DGKH: variants seen among roughly 807,000 people sequenced by gnomAD.
DGKH encodes diacylglycerol kinase eta.
Under a neutral mutation model 159.3 loss-of-function variants are expected in DGKH, and 90 were observed. The observed-to-expected ratio is 0.57, with a 90% CI of 0.48 to 0.67. The LOEUF is 0.67. DGKH is among the 30% of genes least tolerant of loss of function. The pLI is 0.00. For missense variants in DGKH, 1,181 were observed against 1,506.1 expected, an observed-to-expected ratio of 0.78 and a Z score of 3.57; for synonymous variants, 536 against 553.8, an observed-to-expected ratio of 0.97 and a Z score of 0.45.
chr13:42,202,651 C>T (rs1957375075), intron 20 of DGKH, among the ~76,000 whole-genome samples: 1 of 152,124 alleles, frequency 6.6e-6, no homozygotes, highest in African/African-American at 2.4e-5. Context: ...TTTCCCAAGC[C>T]ACATTATCAG....
intron 1 of DGKH, among the ~76,000 whole-genome samples, chr13:42,117,877 A>G (rs1019494599): frequency 1.3e-5 from 2 of 152,088 alleles, no homozygotes; most frequent in African/African-American, 4.8e-5. Context: ...CCATTTTCAT[A>G]CACGTGAAAA....
chr13:42,256,563 G>T (rs796285097), exon 31 of DGKH: 1 of 692,016 alleles, frequency 1.4e-6, no homozygotes, highest in African/African-American at 1.8e-5. Flanking sequence ...GAAAATAAAC[G>T]TGTATATAAT....
At position 42,069,750 on chromosome 13, in the gene DGKH, C is replaced by T. The variant is rs147361210; in HGVS notation, c.192+20785C>T. The T allele has an allele frequency of 9.0e-4, 1,013 of 1,121,774 alleles. 8 individuals carry two copies. In the African/African-American group the frequency reaches 0.014, roughly 15 times the overall value. 69.5% of individuals were successfully genotyped at this position (1,121,774 alleles called of 1,614,324 possible). A position where few individuals can be genotyped will look rare whatever the true frequency, so the allele number is the denominator to read the frequency against. On this transcript the variant is annotated intron_variant, in intron 1 of 29. Coordinates refer to ENST00000337343, the MANE Select transcript of DGKH (RefSeq NM_178009.5). ...AGTTATCTAAATATGATCATGACCT[C>T]GTTTTGTAATTACAAGTATGGCTAC...
chr13:42,120,878 AG>A (rs1284805079), intron 1 of DGKH, among the ~76,000 whole-genome samples: 1 of 152,178 alleles, frequency 6.6e-6, no homozygotes, highest in African/African-American at 2.4e-5. Flanking sequence ...AACTTTCAAC[AG>A]ATTCTGAAAA....
intron 1 of DGKH, among the ~76,000 whole-genome samples, chr13:42,113,517 A>T (rs561050751): frequency 6.6e-6 from 1 of 152,206 alleles, no homozygotes; most frequent in Non-Finnish European, 1.5e-5. Context: ...TTTACTTTTA[A>T]GAAAGTAGGA....
intron 1 of DGKH, among the ~76,000 whole-genome samples, chr13:42,043,293 G>A (rs1326791166): frequency 1.9e-4 from 29 of 152,090 alleles, no homozygotes; most frequent in Admixed American, 1.9e-3. Context: ...AAGACCTCAG[G>A]TTAGGAATAC....
chr13:42,145,160 T>G (rs1318434182), intron 3 of DGKH, among the ~76,000 whole-genome samples: 1 of 152,218 alleles, frequency 6.6e-6, no homozygotes, highest in Non-Finnish European at 1.5e-5. Context: ...GTTTCTGCCT[T>G]ACACATTTTT....
intron 22 of DGKH, 23 bp from the exon 23 acceptor site, chr13:42,209,308 T>G (rs1320897906): frequency 6.3e-7 from 1 of 1,596,930 alleles, no homozygotes. Context: ...ATTTGTACTC[T>G]AAAATGATTT....
At chr13:42,040,498 G>T (rs1258476012) in intron 1 of DGKH, among the ~76,000 whole-genome samples, 3 of 151,990 alleles carry the variant, frequency 2.0e-5, no homozygotes, top group African/African-American at 4.8e-5. Context: ...CGGGAGGAGG[G>T]GCGGCGGGGG....
intron 3 of DGKH, among the ~76,000 whole-genome samples, chr13:42,154,673 A>T (rs928617258): frequency 1.3e-5 from 2 of 152,176 alleles, no homozygotes; most frequent in Non-Finnish European, 2.9e-5. Context: ...ATAAATCATT[A>T]AAATAGACAG....
At chr13:42,103,542 T>C (rs1232996424) in intron 1 of DGKH, among the ~76,000 whole-genome samples, 1 of 152,176 alleles carries the variant, frequency 6.6e-6, no homozygotes, top group Non-Finnish European at 1.5e-5. Context: ...CTTAGCAAAG[T>C]GCCTGAATCA....
intron 1 of DGKH, among the ~76,000 whole-genome samples, chr13:42,061,671 A>G (rs1882180266): frequency 6.6e-6 from 1 of 152,196 alleles, no homozygotes; most frequent in Non-Finnish European, 1.5e-5. Context: ...TGTAAAAGAG[A>G]AATATGATAC....
At chr13:42,167,518 G>A (rs1323918399) in intron 9 of DGKH, among the ~76,000 whole-genome samples, 3 of 152,070 alleles carry the variant, frequency 2.0e-5, no homozygotes, top group African/African-American at 7.2e-5. Context: ...TTTGCCCCCT[G>A]AGTCTTCCTT....
At chr13:42,169,227 G>A (rs537174660) in intron 11 of DGKH, among the ~76,000 whole-genome samples, 10 of 152,236 alleles carry the variant, frequency 6.6e-5, no homozygotes, top group South Asian at 2.1e-4. Flanking sequence ...ACATATAAAC[G>A]TTAGATTTGT....
In DGKH at chr13:42,155,662, TC is replaced by T. The variant is rs778479763; in HGVS notation, c.490-4del. The T allele has an allele frequency of 1.7e-4, 271 of 1,614,100 alleles. No individual in the cohort carries two copies. Among genetic ancestry groups the T allele is most frequent in the Admixed American group, 8.2e-4 (49 of 60,012 alleles). On this transcript the variant is annotated splice_polypyrimidine_tract_variant and splice_region_variant and intron_variant, in intron 4 of 29. Transcript: ENST00000337343. ...GGCAAATCTGTCCTCACATCTCATT[TC>T]TAGGTGGCCCAGTTTAATGTGGAAC...
chr13:42,102,625 G>C (rs1954672849), intron 1 of DGKH, among the ~76,000 whole-genome samples: 1 of 152,242 alleles, frequency 6.6e-6, no homozygotes, highest in Non-Finnish European at 1.5e-5. Context: ...GGAAGGAGCT[G>C]ACTGATTCAG....
At chr13:42,136,553 G>T (rs1332068099) in intron 3 of DGKH, among the ~76,000 whole-genome samples, 7 of 152,186 alleles carry the variant, frequency 4.6e-5, no homozygotes, top group Admixed American at 4.6e-4. Flanking sequence ...CAATTTTAAA[G>T]AAATTTTTGT....
chr13:42,048,681 G>C lies in DGKH; in HGVS notation c.-93G>C, dbSNP rs1019269283. 27 of 1,213,666 alleles carry C rather than the reference G, an allele frequency of 2.2e-5. No homozygotes were observed. The highest frequency in any genetic ancestry group is 3.1e-5 in the African/African-American group (2 of 63,496). 75.2% of individuals were successfully genotyped at this position (1,213,666 alleles called of 1,614,324 possible). On this transcript the variant is annotated 5_prime_UTR_variant, in exon 1 of 30. Transcript: ENST00000337343. This position sits in a 1 kb window ranked among gnomAD's most constrained non-coding sequence, Gnocchi z 6.7. ...GAAGATGGCGGCGGCGGCCGGGCAC[G>C]GGGTTCCGGGCTCCGCTCGGGCAGA...
chr13:42,144,051 G>T (rs1247840680), intron 3 of DGKH, among the ~76,000 whole-genome samples: 1 of 152,138 alleles, frequency 6.6e-6, no homozygotes, highest in East Asian at 1.9e-4. Flanking sequence ...ATTAGCAAAA[G>T]AGAGTCTGAT....
Sources: gnomAD v4.1 joint callset for allele counts (sites outside exome capture counted in the v4.1 genomes callset) on GRCh38, gnomAD v4.1.1 for gene constraint, Gnocchi (gnomAD v3.1) non-coding constraint, MANE v1.5 for transcripts, NCBI Gene and HGNC (gene_info 2026-07-23, HGNC 2026-07-21) for gene names.